The following DNM3 variants were observed in gnomAD, a reference collection of about 807,000 sequenced individuals.
DNM3 encodes dynamin 3, also known as dynamin-3.
DNM3 carries 47 observed loss-of-function variants against 101.6 expected under a neutral mutation model. The observed-to-expected ratio is 0.46, with a 90% confidence interval of 0.37 to 0.59. The LOEUF is 0.59. Ranked by LOEUF, DNM3 falls within the 20% of genes least tolerant of loss-of-function variation. The pLI is 0.00. For missense variants in DNM3, 849 were observed against 1,085.7 expected, an observed-to-expected ratio of 0.78 and a Z score of 3.06; for synonymous variants, 385 against 387.9, an observed-to-expected ratio of 0.99 and a Z score of 0.09.
At chr1:172,068,791 T>G (rs371407978) in intron 10 of DNM3, 28 bp from the exon 11 acceptor site, 5 of 1,540,096 alleles carry the variant, frequency 3.2e-6, no homozygotes, top group Non-Finnish European at 4.4e-6. Flanking sequence ...TTTTGAGTAT[T>G]AATACTCAGA....
intron 6 of DNM3, among the ~76,000 whole-genome samples, chr1:172,034,835 T>C (rs2048846679): frequency 6.6e-6 from 1 of 152,062 alleles, no homozygotes; most frequent in African/African-American, 2.4e-5. Flanking sequence ...GTGAGTTGTA[T>C]TAGATGATAT....
At chr1:172,221,970 G>C (rs759231862) in intron 14 of DNM3, among the ~76,000 whole-genome samples, 10 of 152,114 alleles carry the variant, frequency 6.6e-5, no homozygotes, top group Non-Finnish European at 1.3e-4. Context: ...CAGTAACAGA[G>C]TTCAAGTCTT....
At chr1:171,941,822 A>G (rs1276410023) in intron 2 of DNM3, among the ~76,000 whole-genome samples, 1 of 152,178 alleles carries the variant, frequency 6.6e-6, no homozygotes, top group African/African-American at 2.4e-5. Flanking sequence ...ATCATTTTCT[A>G]ATTATGCCCA....
At chr1:172,086,792 T>C (rs766972083) in intron 12 of DNM3, among the ~76,000 whole-genome samples, 1 of 152,132 alleles carries the variant, frequency 6.6e-6, no homozygotes, top group Non-Finnish European at 1.5e-5. Context: ...CTTTACTCTA[T>C]AGCACTGTTG....
intron 14 of DNM3, among the ~76,000 whole-genome samples, chr1:172,166,802 T>C (rs920021211): frequency 1.2e-4 from 19 of 152,044 alleles, no homozygotes; most frequent in Non-Finnish European, 2.5e-4. Flanking sequence ...TCTTCCTGCC[T>C]TTTTGCTCTA....
At chr1:171,899,723 C>A (rs919323314) in intron 1 of DNM3, among the ~76,000 whole-genome samples, 11 of 152,184 alleles carry the variant, frequency 7.2e-5, no homozygotes, top group African/African-American at 2.4e-4. Context: ...ACTTTGGATA[C>A]CCAAGAATTA....
intron 15 of DNM3, among the ~76,000 whole-genome samples, chr1:172,291,480 T>C (rs1164907539): frequency 6.6e-6 from 1 of 152,208 alleles, no homozygotes; most frequent in Non-Finnish European, 1.5e-5. Flanking sequence ...AGGCAGAATC[T>C]GTGGTTGCAA....
intron 4 of DNM3, among the ~76,000 whole-genome samples, chr1:171,995,343 G>A (rs1468085107): frequency 6.6e-6 from 1 of 151,870 alleles, no homozygotes; most frequent in Admixed American, 6.6e-5. Context: ...GACCTCAAGA[G>A]ATCCACCCAC....
At chr1:172,280,291 C>T (rs2063442207) in intron 15 of DNM3, among the ~76,000 whole-genome samples, 1 of 152,106 alleles carries the variant, frequency 6.6e-6, no homozygotes, top group Non-Finnish European at 1.5e-5. Flanking sequence ...TTGTTCATGA[C>T]ACTTATTACT....
chr1:172,046,189 A>G (rs1249558391), intron 9 of DNM3, among the ~76,000 whole-genome samples: 1 of 152,152 alleles, frequency 6.6e-6, no homozygotes. Flanking sequence ...GATTAAGAAA[A>G]TGTGGCACAT....
intron 9 of DNM3, among the ~76,000 whole-genome samples, chr1:172,047,161 C>T (rs527403942): frequency 1.3e-5 from 2 of 152,060 alleles, no homozygotes; most frequent in East Asian, 3.9e-4. Flanking sequence ...TAGTAGAAGC[C>T]CTCTTTGCCC....
chr1:172,387,607 C>G (rs565562543), intron 19 of DNM3, among the ~76,000 whole-genome samples: 2 of 150,996 alleles, frequency 1.3e-5, no homozygotes, highest in Admixed American at 1.3e-4. Context: ...TGCAGTGAGC[C>G]GAGATCGTGC....
intron 1 of DNM3, among the ~76,000 whole-genome samples, chr1:171,885,088 A>G (rs868005458): frequency 2.0e-5 from 3 of 152,098 alleles, no homozygotes; most frequent in African/African-American, 7.2e-5. Flanking sequence ...CATCCCCTCA[A>G]ACTTGGGTAA....
At chr1:172,109,229 T>C (rs766056737) in intron 13 of DNM3, among the ~76,000 whole-genome samples, 20 of 152,238 alleles carry the variant, frequency 1.3e-4, no homozygotes, top group South Asian at 1.2e-3. Context: ...TTTTAGCATA[T>C]ATATTTTATT....
At chr1:171,896,816 T>C (rs1426755922) in intron 1 of DNM3, among the ~76,000 whole-genome samples, 1 of 151,964 alleles carries the variant, frequency 6.6e-6, no homozygotes, top group Non-Finnish European at 1.5e-5. Context: ...CAAAGAAGAG[T>C]AGATACTAAT....
chr1:172,290,222 A>T (rs780967818), intron 15 of DNM3: 2 of 153,574 alleles, frequency 1.3e-5, no homozygotes, highest in African/African-American at 5.3e-5. Flanking sequence ...GATAGTTAAC[A>T]TACCTAATTT....
chr1:171,972,642 G>A (rs1168628883), intron 2 of DNM3, among the ~76,000 whole-genome samples: 1 of 152,180 alleles, frequency 6.6e-6, no homozygotes, highest in Non-Finnish European at 1.5e-5. Context: ...CTGAGATCGG[G>A]AGGTTGAGTC....
chr1:172,221,506 G>GAGAGATGGT (rs1167753170), intron 14 of DNM3, among the ~76,000 whole-genome samples: 1 of 152,140 alleles, frequency 6.6e-6, no homozygotes, highest in African/African-American at 2.4e-5. Context: ...GAAGAGATGG[G>GAGAGATGGT]AGAGATGGTT....
intron 16 of DNM3, among the ~76,000 whole-genome samples, chr1:172,318,756 G>A (rs1361384390): frequency 6.6e-6 from 1 of 152,118 alleles, no homozygotes; most frequent in Non-Finnish European, 1.5e-5. Flanking sequence ...ACAAATGGAA[G>A]AACATTCCAT....
Sources: allele counts gnomAD v4.1 joint callset (sites outside exome capture counted in the v4.1 genomes callset), GRCh38; gene constraint gnomAD v4.1.1; transcripts MANE v1.5; gene names NCBI Gene and HGNC (gene_info 2026-07-23, HGNC 2026-07-21).